Variants in ASF1A observed in about 807,000 individuals in gnomAD.
ASF1A encodes anti-silencing function 1A histone chaperone.
A neutral mutation model predicts 22.0 loss-of-function variants in ASF1A; 5 were observed. The observed-to-expected ratio is 0.23, with a 90% CI of 0.12 to 0.48. The LOEUF (loss-of-function observed/expected upper bound fraction) is 0.48, where lower values mean the gene tolerates loss of function less well. Ranked by LOEUF, ASF1A falls within the 20% of genes least tolerant of loss-of-function variation. The pLI, the probability that ASF1A is intolerant of heterozygous loss-of-function variation, is 0.99. For synonymous variants in ASF1A, 97 were observed against 86.7 expected, an observed-to-expected ratio of 1.12 and a Z score of -0.66; for missense variants, 137 against 240.6, an observed-to-expected ratio of 0.57 and a Z score of 2.85.
chr6:118,907,503 A>C lies in ASF1A; in HGVS notation c.504A>C (p.Pro168=). The part of the protein sequence containing the change: ...EKLEDAESSN[P]NLQSLLSTDA... Reference sequence around the variant, plus strand: ...TGGAAGATGCAGAGAGCAGTAATCCAAATCTACAGTCACTTCTTTCAACAG... The same window carrying C: ...TGGAAGATGCAGAGAGCAGTAATCCCAATCTACAGTCACTTCTTTCAACAG... Residue 168 remains proline (P), a synonymous_variant, in exon 4 of 4, where the codon CCA becomes CCC. Transcript: ENST00000229595. The C allele has an allele frequency of 6.2e-7, 1 of 1,613,704 alleles. No homozygotes were observed. Among genetic ancestry groups the C allele is most frequent in the South Asian group, 1.1e-5 (1 of 91,074 alleles).
At chr6:118,899,816 C>T (rs926912738) in intron 1 of ASF1A, among the ~76,000 whole-genome samples, 1 of 152,236 alleles carries the variant, frequency 6.6e-6, no homozygotes, top group Non-Finnish European at 1.5e-5. Context: ...GAAACTCACC[C>T]TTTGGGAGTG....
chr6:118,899,842 G>A (rs114678143), intron 1 of ASF1A, among the ~76,000 whole-genome samples: 1,577 of 152,318 alleles, frequency 0.01, 30 homozygotes, highest in African/African-American at 0.036. Flanking sequence ...GTAACAGTGT[G>A]TTGAATGCAA....
Position 118,895,074 on chromosome 6 carries a change from G to C in ASF1A, c.109+552G>C, listed in dbSNP as rs547366218. ...ACTCTCGAGAGCTCACGGTGGAGTC[G>C]CCGCACTCTCCGGGCTGGCCATGCC... On this transcript the variant is annotated intron_variant, in intron 1 of 3. Coordinates refer to ENST00000229595, the MANE Select transcript of ASF1A (RefSeq NM_014034.3). Among the ~76,000 whole-genome samples, 9 of 152,150 alleles carry C rather than the reference G, an allele frequency of 5.9e-5. No homozygotes were observed. The East Asian group carries it at 1.7e-3, about 30-fold the overall frequency.
At chr6:118,897,005 A>AT (rs1213998700) in intron 1 of ASF1A, among the ~76,000 whole-genome samples, 2 of 151,928 alleles carry the variant, frequency 1.3e-5, no homozygotes, top group African/African-American at 2.4e-5. Flanking sequence ...CATTGGGCTA[A>AT]TTTTTTAATT....
rs779525420 is a variant in ASF1A at position 118,907,518 on chromosome 6, T to C, written c.519T>C (p.Leu173=). 2 of 1,613,674 alleles carry C rather than the reference T, an allele frequency of 1.2e-6. No individual in the cohort carries two copies. The highest frequency in any genetic ancestry group is 2.7e-5 in the African/African-American group (2 of 75,036). Residue 173 remains leucine (L), a synonymous_variant, in exon 4 of 4, where the codon CTT becomes CTC. Transcript: ENST00000229595. ...AESSNPNLQS[L]LSTDALPSAS... ...GCAGTAATCCAAATCTACAGTCACT[T>C]CTTTCAACAGATGCATTACCTTCAG...
In ASF1A at chr6:118,907,412, A is replaced by G. The variant is rs1341001845; in HGVS notation, c.413A>G (p.Asn138Ser). The G allele has an allele frequency of 1.9e-6, 3 of 1,597,816 alleles. No individual in the cohort carries two copies. Among genetic ancestry groups the G allele is most frequent in the South Asian group, 2.2e-5 (2 of 88,908 alleles). ...TCCTTTTTCCTCTAGCTTCAAAGGA[A>G]TATTTTGGCATCTAATCCCAGGGTC... The part of the protein sequence containing the change: ...VKPDFSKLQR[N>S]ILASNPRVTR... Residue 138 changes from asparagine to serine, a missense_variant, in exon 4 of 4, where the codon AAT (asparagine) becomes AGT (serine). Around this residue, in one of 2 missense-constraint regions of ASF1A, gnomAD observed 96 missense variants for 196.7 expected, o/e 0.49. Coordinates refer to ENST00000229595, the MANE Select transcript of ASF1A (RefSeq NM_014034.3).
chr6:118,895,882 C>G (rs573589976), intron 1 of ASF1A, among the ~76,000 whole-genome samples: 16 of 152,082 alleles, frequency 1.1e-4, no homozygotes, highest in Non-Finnish European at 1.9e-4. Flanking sequence ...ATGTATATAT[C>G]ATATGTAAGG....
At chr6:118,903,524 T>TG (rs770203795) in intron 2 of ASF1A, among the ~76,000 whole-genome samples, 133 of 151,666 alleles carry the variant, frequency 8.8e-4, no homozygotes, top group Non-Finnish European at 1.4e-3. Flanking sequence ...AAAATAAACA[T>TG]GTTTAGATCA....
At chr6:118,905,581 A>G in intron 2 of ASF1A, 71 bp from the exon 3 acceptor site, 1 of 1,299,952 alleles carries the variant, frequency 7.7e-7, no homozygotes, top group Admixed American at 2.3e-5. Flanking sequence ...TAGGTAACTG[A>G]AACTCCAGTC....
chr6:118,905,925 A>G (rs1780148392), intron 3 of ASF1A, 97 bp downstream of exon 3: 5 of 921,174 alleles, frequency 5.4e-6, no homozygotes, highest in Non-Finnish European at 6.3e-6. Context: ...AATGGCTTTG[A>G]GATAAAATAA....
chr6:118,907,707 T>A lies in ASF1A; in HGVS notation c.*93T>A. 1.0e-6 allele frequency: 1 copy of A among 962,128 alleles called. No homozygotes were observed. The highest frequency in any genetic ancestry group is 1.6e-6 in the Non-Finnish European group (1 of 644,616). The allele number at this position is 962,128 out of a possible 1,614,324, so 59.6% of individuals were successfully genotyped here. ...GTAAGTACATAGTCAAAACACAATG[T>A]GAAGAATTTGTTTAAAAACATCCTG... On this transcript the variant is annotated 3_prime_UTR_variant, in exon 4 of 4. Transcript: ENST00000229595.
At chr6:118,906,671 C>G (rs192486785) in intron 3 of ASF1A, among the ~76,000 whole-genome samples, 43 of 152,248 alleles carry the variant, frequency 2.8e-4, no homozygotes, top group African/African-American at 9.6e-4. Context: ...AGCTTAAATT[C>G]TGAGTGAGAA....
Position 118,905,512 on chromosome 6 carries a change from C to G in ASF1A, c.226-140C>G, listed in dbSNP as rs186869737. The G allele has an allele frequency of 3.0e-5, 18 of 605,262 alleles. No individual in the cohort carries two copies. In the Admixed American group the frequency reaches 5.3e-4, roughly 18 times the overall value. 37.5% of individuals were successfully genotyped at this position (605,262 alleles called of 1,614,324 possible). ...TTATTATAAGTCAGTCAGAAATGAG[C>G]ATTTTCCTTCCCAGTATGATTTCCA... On this transcript the variant is annotated intron_variant, in intron 2 of 3. Transcript: ENST00000229595.
chr6:118,906,746 A>G lies in ASF1A; in HGVS notation c.403-656A>G, dbSNP rs561165393. ...ATTTTCTGATTTTTCACTGGGAACT[A>G]TAACAGTTTGGTAACTGGTGATTTT... On this transcript the variant is annotated intron_variant, in intron 3 of 3. Coordinates refer to ENST00000229595, the MANE Select transcript of ASF1A (RefSeq NM_014034.3). 2.7e-4 allele frequency among the ~76,000 whole-genome samples: 41 copies of G among 152,362 alleles called. 1 individual carries two copies. In the South Asian group the frequency reaches 8.3e-3, roughly 31 times the overall value.
In ASF1A at chr6:118,907,891, G is replaced by A. The variant is rs1780281813; in HGVS notation, c.*277G>A. 3.8e-6 allele frequency: 1 copy of A among 263,566 alleles called. No individual in the cohort carries two copies. Among genetic ancestry groups the A allele is most frequent in the Admixed American group, 4.9e-5 (1 of 20,418 alleles). The allele number at this position is 263,566 out of a possible 1,614,324, so 16.3% of individuals were successfully genotyped here. ...TTCTTCTCCTTTATATGTAATGAAA[G>A]CACTTATAAAGAAACAGGAATCATT... On this transcript the variant is annotated 3_prime_UTR_variant, in exon 4 of 4. Coordinates refer to ENST00000229595, the MANE Select transcript of ASF1A (RefSeq NM_014034.3).
intron 2 of ASF1A, among the ~76,000 whole-genome samples, chr6:118,903,980 G>A (rs191932636): frequency 2.6e-4 from 39 of 152,184 alleles, no homozygotes; most frequent in Middle Eastern, 6.8e-3. Context: ...GGAGATATTG[G>A]CTGGAGACAA....
At chr6:118,900,573 T>C (rs375249418) in intron 1 of ASF1A, among the ~76,000 whole-genome samples, 193 bp from the exon 2 acceptor site, 1 of 152,228 alleles carries the variant, frequency 6.6e-6, no homozygotes, top group African/African-American at 2.4e-5. Context: ...CAAAAGAGTA[T>C]TTTGAGAAAC....
intron 1 of ASF1A, among the ~76,000 whole-genome samples, chr6:118,898,141 A>T (rs1002500808): frequency 2.0e-4 from 31 of 152,204 alleles, no homozygotes; most frequent in African/African-American, 6.8e-4. Context: ...TGATGTACAA[A>T]TTATGAATTT....
intron 3 of ASF1A, 61 bp downstream of exon 3, chr6:118,905,889 A>G: frequency 1.5e-6 from 2 of 1,295,128 alleles, no homozygotes; most frequent in Non-Finnish European, 2.1e-6. Flanking sequence ...AGCAGTTGCT[A>G]TTGCAATTTC....
Sources: allele counts gnomAD v4.1 joint callset (sites outside exome capture counted in the v4.1 genomes callset), GRCh38; gene constraint gnomAD v4.1.1; regional missense constraint gnomAD v4.1.1; transcripts MANE v1.5; gene names NCBI Gene and HGNC (gene_info 2026-07-23, HGNC 2026-07-21).